NRG3: variants seen among roughly 807,000 people sequenced by gnomAD.
NRG3 encodes the protein neuregulin 3.
NRG3 carries 31 observed loss-of-function variants against 66.9 expected under a neutral mutation model. The ratio of observed to expected loss-of-function variants is 0.46; its 90% confidence interval spans 0.35 to 0.63. The LOEUF is 0.63. NRG3 is among the 20% of genes least tolerant of loss of function. The pLI is 0.00. For missense variants in NRG3, 910 were observed against 878.9 expected, an observed-to-expected ratio of 1.04 and a Z score of -0.45; for synonymous variants, 393 against 359.4, an observed-to-expected ratio of 1.09 and a Z score of -1.06.
chr10:82,890,416 C>T (rs1291410539), intron 4 of NRG3, among the ~76,000 whole-genome samples: 2 of 152,064 alleles, frequency 1.3e-5, no homozygotes, highest in African/African-American at 4.8e-5. Flanking sequence ...TCTTTATTTT[C>T]ATGCTTGTAT....
chr10:82,762,139 C>T lies in NRG3; in HGVS notation c.1027+23489C>T, dbSNP rs777987448. On this transcript the variant is annotated intron_variant, in intron 3 of 8. Transcript: ENST00000372141. Reference sequence around the variant, plus strand: ...TGCAATCACAGCTCACTGCAGCCTCCGCCTCGCCAGCTAGGTTTTTGGATT... The same window carrying T: ...TGCAATCACAGCTCACTGCAGCCTCTGCCTCGCCAGCTAGGTTTTTGGATT... Among the ~76,000 whole-genome samples, 7 of 151,286 alleles carry T rather than the reference C, an allele frequency of 4.6e-5. No homozygotes were observed. In the South Asian group the frequency reaches 6.3e-4, roughly 14 times the overall value.
At chr10:82,320,730 G>T (rs923252271) in intron 1 of NRG3, among the ~76,000 whole-genome samples, 2 of 152,134 alleles carry the variant, frequency 1.3e-5, no homozygotes, top group African/African-American at 2.4e-5. Context: ...GAAATACTGC[G>T]TAGAAGAGAG....
At chr10:82,084,502 A>ACTTTTTTTT (rs11458166) in intron 1 of NRG3, among the ~76,000 whole-genome samples, 5 of 145,338 alleles carry the variant, frequency 3.4e-5, no homozygotes, top group African/African-American at 5.1e-5. Context: ...CATATATGAG[A>ACTTTTTTTT]TTTTTTTTTT....
chr10:82,731,364 C>CT (rs1466853466), intron 2 of NRG3, among the ~76,000 whole-genome samples: 1 of 50,986 alleles, frequency 2.0e-5, no homozygotes. Flanking sequence ...GATACTCTGT[C>CT]TCAAAAAAAA....
intron 6 of NRG3, among the ~76,000 whole-genome samples, chr10:82,967,017 T>TAGA (rs1192466360): frequency 6.6e-6 from 1 of 151,846 alleles, no homozygotes; most frequent in African/African-American, 2.4e-5. Context: ...TCCATGGAAA[T>TAGA]AGCTAGTTTC....
chr10:81,992,742 C>G (rs926331085), intron 1 of NRG3, among the ~76,000 whole-genome samples: 3 of 152,128 alleles, frequency 2.0e-5, no homozygotes, highest in African/African-American at 4.8e-5. Flanking sequence ...TCTATAGGCT[C>G]TCTCACACCA....
intron 1 of NRG3, among the ~76,000 whole-genome samples, chr10:81,903,996 A>ATAT (rs1195979571): frequency 3.3e-5 from 3 of 91,932 alleles, no homozygotes; most frequent in South Asian, 8.7e-4. Context: ...ATATATATAT[A>ATAT]TTTTTTTTTT....
intron 1 of NRG3, among the ~76,000 whole-genome samples, chr10:82,137,786 C>T (rs181161203): frequency 9.2e-5 from 14 of 152,252 alleles, no homozygotes; most frequent in Non-Finnish European, 1.5e-5. Context: ...TAGACACAGG[C>T]AGAGTCATAT....
At chr10:82,073,912 G>T (rs2064944855) in intron 1 of NRG3, among the ~76,000 whole-genome samples, 3 of 152,160 alleles carry the variant, frequency 2.0e-5, no homozygotes, top group African/African-American at 7.2e-5. Flanking sequence ...TAGAGATTTA[G>T]TCATGAACAA....
At chr10:82,046,736 A>ACTT in intron 1 of NRG3, among the ~76,000 whole-genome samples, 1 of 54,004 alleles carries the variant, frequency 1.9e-5, no homozygotes, top group East Asian at 5.6e-4. Flanking sequence ...ATTTTGAGAT[A>ACTT]TGTCCCATCA....
chr10:81,962,935 A>G (rs892879376), intron 1 of NRG3, among the ~76,000 whole-genome samples: 1 of 152,086 alleles, frequency 6.6e-6, no homozygotes, highest in African/African-American at 2.4e-5. Flanking sequence ...CAGGCCAGTT[A>G]AGACCTCTGC....
intron 4 of NRG3, among the ~76,000 whole-genome samples, chr10:82,929,912 C>A (rs961969605): frequency 2.6e-4 from 40 of 151,144 alleles, no homozygotes; most frequent in African/African-American, 9.0e-4. Flanking sequence ...AAAAATGAAT[C>A]TTTATAATAT....
At chr10:82,858,125 G>A (rs1048891084) in intron 3 of NRG3, among the ~76,000 whole-genome samples, 1 of 152,138 alleles carries the variant, frequency 6.6e-6, no homozygotes, top group African/African-American at 2.4e-5. Context: ...CAAATGTCAC[G>A]TCCCTTGTTG....
At chr10:82,668,856 C>T (rs11596437) in intron 2 of NRG3, among the ~76,000 whole-genome samples, 4,115 of 152,184 alleles carry the variant, frequency 0.027, 96 homozygotes, top group Non-Finnish European at 0.038. Flanking sequence ...TCTGCCTTTA[C>T]ATTATAGATT....
intron 2 of NRG3, among the ~76,000 whole-genome samples, chr10:82,364,238 A>C (rs2084376442): frequency 6.6e-6 from 1 of 152,192 alleles, no homozygotes; most frequent in South Asian, 2.1e-4. Flanking sequence ...GTGCTTCCAG[A>C]TTAAGCACTA....
chr10:82,163,882 C>T (rs971830280), intron 1 of NRG3, among the ~76,000 whole-genome samples: 1 of 151,518 alleles, frequency 6.6e-6, no homozygotes, highest in East Asian at 1.9e-4. Context: ...AGCAAGGGAC[C>T]TATATGATAG....
rs780225002 is a variant in NRG3 at position 82,876,782 on chromosome 10, G to C, written c.1054+11345G>C. Among the ~76,000 whole-genome samples, 3 of 152,226 alleles carry C rather than the reference G, an allele frequency of 2.0e-5. No individual in the cohort carries two copies. The Middle Eastern group carries it at 0.01, about 521-fold the overall frequency. On this transcript the variant is annotated intron_variant, in intron 4 of 8. Transcript: ENST00000372141. ...CTCACGCCTGTAGTCCCAGCAGTTGGGAGGCCGAGGCAGGTGGATCGCTTG... is the reference window on the plus strand; with the variant it reads ...CTCACGCCTGTAGTCCCAGCAGTTGCGAGGCCGAGGCAGGTGGATCGCTTG...
chr10:81,938,136 C>T (rs1848058807), intron 1 of NRG3, among the ~76,000 whole-genome samples: 1 of 151,954 alleles, frequency 6.6e-6, no homozygotes, highest in Admixed American at 6.6e-5. Context: ...ATTAGTGTAG[C>T]CTGGTAATAT....
intron 2 of NRG3, among the ~76,000 whole-genome samples, chr10:82,647,203 G>A (rs1008281469): frequency 6.6e-6 from 1 of 151,470 alleles, no homozygotes; most frequent in Non-Finnish European, 1.5e-5. Flanking sequence ...CCCTTCCTGT[G>A]TCCATGTGTT....
Sources: allele counts gnomAD v4.1 joint callset (sites outside exome capture counted in the v4.1 genomes callset), GRCh38; gene constraint gnomAD v4.1.1; transcripts MANE v1.5; gene names NCBI Gene and HGNC (gene_info 2026-07-23, HGNC 2026-07-21).